NDST4: variants seen among roughly 807,000 people sequenced by gnomAD.
NDST4 encodes N-heparan sulfate sulfotransferase 4.
Under a neutral mutation model 100.8 loss-of-function variants are expected in NDST4, and 63 were observed. The observed-to-expected ratio is 0.62, with a 90% CI of 0.51 to 0.77. The LOEUF is 0.77. Ranked by LOEUF, NDST4 falls within the 30% of genes least tolerant of loss-of-function variation. The pLI is 0.00. For synonymous variants in NDST4, 377 were observed against 361.8 expected, an observed-to-expected ratio of 1.04 and a Z score of -0.48; for missense variants, 943 against 1,018.4, an observed-to-expected ratio of 0.93 and a Z score of 1.01.
intron 6 of NDST4, among the ~76,000 whole-genome samples, chr4:114,884,924 T>C (rs1246662410): frequency 6.6e-6 from 1 of 152,160 alleles, no homozygotes; most frequent in African/African-American, 2.4e-5. Context: ...GCCGACTCTA[T>C]TGTGAGATAG....
chr4:114,920,113 CATT>C (rs747060663), intron 6 of NDST4, among the ~76,000 whole-genome samples: 6 of 152,016 alleles, frequency 3.9e-5, no homozygotes, highest in Non-Finnish European at 8.8e-5. Context: ...ATTCAACAGT[CATT>C]ATAAATAATT....
chr4:115,010,210 C>T (rs1468056287), intron 2 of NDST4, among the ~76,000 whole-genome samples: 1 of 126,810 alleles, frequency 7.9e-6, no homozygotes, highest in African/African-American at 3.0e-5. Context: ...GACTATAAAT[C>T]ATGCTGCTAT....
intron 4 of NDST4, among the ~76,000 whole-genome samples, chr4:114,969,867 A>C (rs1345744259): frequency 6.6e-6 from 1 of 152,166 alleles, no homozygotes; most frequent in Non-Finnish European, 1.5e-5. Flanking sequence ...CTTCTGTTTT[A>C]AGTTCTTTGA....
chr4:114,915,535 G>C (rs1243054216), intron 6 of NDST4, among the ~76,000 whole-genome samples: 1 of 152,038 alleles, frequency 6.6e-6, no homozygotes, highest in East Asian at 1.9e-4. Flanking sequence ...TTTTTATTGG[G>C]CAGTGACAAA....
intron 2 of NDST4, among the ~76,000 whole-genome samples, chr4:115,067,428 T>G (rs1237812792): frequency 6.6e-6 from 1 of 152,174 alleles, no homozygotes; most frequent in Non-Finnish European, 1.5e-5. Context: ...TAGTTTCATT[T>G]ACCAGTGTAG....
intron 8 of NDST4, among the ~76,000 whole-genome samples, chr4:114,851,945 A>T (rs938187938): frequency 2.6e-5 from 4 of 152,154 alleles, no homozygotes; most frequent in Non-Finnish European, 5.9e-5. Flanking sequence ...GTTTTCTGTT[A>T]TGGTTTGTGC....
intron 2 of NDST4, among the ~76,000 whole-genome samples, chr4:115,045,386 T>C (rs1049622051): frequency 1.3e-5 from 2 of 152,220 alleles, no homozygotes; most frequent in African/African-American, 4.8e-5. Context: ...TTTCTGTTGG[T>C]AGTCCTCCCA....
rs754867140 is a variant in NDST4, at chr4:115,076,317, T to G, written c.720A>C (p.Thr240=). 6.2e-7 allele frequency: 1 copy of G among 1,614,036 alleles called. No individual in the cohort carries two copies. Among genetic ancestry groups the G allele is most frequent in the Non-Finnish European group, 8.5e-7 (1 of 1,179,936 alleles). Residue 240 remains threonine (T), a synonymous_variant, in exon 2 of 14, where the codon ACA becomes ACC. Transcript: ENST00000264363. The part of the protein sequence containing the change: ...YQPVLLTELQ[T]EKSLSSLSSK... ...TAGACAAGGATGACAGGGATTTTTCTGTCTGTAACTCAGTTAAAAGTACAG... is the reference window on the plus strand; with the variant it reads ...TAGACAAGGATGACAGGGATTTTTCGGTCTGTAACTCAGTTAAAAGTACAG...
chr4:114,868,658 T>G (rs1724083610), intron 7 of NDST4, among the ~76,000 whole-genome samples: 2 of 151,918 alleles, frequency 1.3e-5, no homozygotes, highest in African/African-American at 4.8e-5. Context: ...TGTTTGCAAC[T>G]TTAAAATTTC....
rs748297295 is a variant in NDST4 at position 114,935,193 on chromosome 4, A to G, written c.1536+13T>C. The G allele has an allele frequency of 1.3e-6, 2 of 1,585,036 alleles. No homozygotes were observed. The highest frequency in any genetic ancestry group is 1.7e-6 in the Non-Finnish European group (2 of 1,168,820). Reference sequence around the variant, plus strand: ...GCTAATCTTATTGTAAGGTGCATACATAGAATACATACTGGGTTTAGAAGG... The same window carrying G: ...GCTAATCTTATTGTAAGGTGCATACGTAGAATACATACTGGGTTTAGAAGG... On this transcript the variant is annotated intron_variant, in intron 6 of 13. Coordinates refer to ENST00000264363, the MANE Select transcript of NDST4 (RefSeq NM_022569.3).
At chr4:115,081,651 A>G (rs1368721389) in intron 1 of NDST4, among the ~76,000 whole-genome samples, 1 of 152,212 alleles carries the variant, frequency 6.6e-6, no homozygotes, top group Non-Finnish European at 1.5e-5. Context: ...CGAAGACATT[A>G]AAATGCTGCT....
chr4:114,975,191 G>T (rs1011220743), intron 3 of NDST4, among the ~76,000 whole-genome samples: 4 of 152,014 alleles, frequency 2.6e-5, no homozygotes, highest in Non-Finnish European at 4.4e-5. Context: ...GCATTAATAA[G>T]TATTCATATA....
At chr4:114,957,669 C>T (rs963225427) in intron 4 of NDST4, among the ~76,000 whole-genome samples, 1 of 152,100 alleles carries the variant, frequency 6.6e-6, no homozygotes, top group African/African-American at 2.4e-5. Flanking sequence ...CAAGGCAAGC[C>T]CCTTCCATCT....
intron 2 of NDST4, among the ~76,000 whole-genome samples, chr4:115,007,366 A>G (rs1560855932): frequency 6.6e-6 from 1 of 152,206 alleles, no homozygotes; most frequent in Non-Finnish European, 1.5e-5. Context: ...GGAAATAACA[A>G]GAACCATTTC....
chr4:114,965,779 G>T (rs1726366826), intron 4 of NDST4, among the ~76,000 whole-genome samples: 2 of 151,788 alleles, frequency 1.3e-5, no homozygotes, highest in Non-Finnish European at 2.9e-5. Flanking sequence ...TTTTTTTCCA[G>T]TCTATTGTGG....
intron 6 of NDST4, among the ~76,000 whole-genome samples, chr4:114,933,141 A>C (rs926504943): frequency 2.0e-5 from 3 of 152,142 alleles, no homozygotes; most frequent in Non-Finnish European, 4.4e-5. Context: ...CCACTGAAAC[A>C]AAGCAAACGG....
chr4:114,964,451 T>TTAAACAATA (rs1336227804), intron 4 of NDST4, among the ~76,000 whole-genome samples: 1 of 152,216 alleles, frequency 6.6e-6, no homozygotes, highest in East Asian at 1.9e-4. Context: ...TAACTTGTTA[T>TTAAACAATA]TAAACAATAT....
chr4:114,970,883 C>T (rs978554998), intron 3 of NDST4, among the ~76,000 whole-genome samples: 4 of 152,072 alleles, frequency 2.6e-5, no homozygotes, highest in African/African-American at 9.7e-5. Flanking sequence ...TATACCCTAA[C>T]ATATATTTTT....
rs72681457 is a variant in NDST4 at position 115,058,943 on chromosome 4, A to G, written c.978+17116T>C. The stretch of plus-strand genomic sequence containing the variant: ...AAATGGTTTCATAGAGTCAGAATAG[A>G]TGGGAATAGCTGAAACTGTGGAAAG... On this transcript the variant is annotated intron_variant, in intron 2 of 13. Transcript: ENST00000264363. Among the ~76,000 whole-genome samples, 1,203 of 151,796 alleles carry G rather than the reference A, an allele frequency of 7.9e-3. 11 individuals carry two copies. Among genetic ancestry groups the G allele is most frequent in the Non-Finnish European group, 0.014 (925 of 67,878 alleles).
Sources: gnomAD v4.1 joint callset for allele counts (sites outside exome capture counted in the v4.1 genomes callset) on GRCh38, gnomAD v4.1.1 for gene constraint, MANE v1.5 for transcripts, NCBI Gene and HGNC (gene_info 2026-07-23, HGNC 2026-07-21) for gene names.